Variants in ERBB4 observed in about 807,000 individuals in gnomAD.
ERBB4 encodes erb-b2 receptor tyrosine kinase 4.
In ERBB4, 42 loss-of-function variants were observed where a neutral mutation model predicts 158.0. The ratio of observed to expected loss-of-function variants is 0.27; its 90% CI spans 0.21 to 0.34. ERBB4 has a LOEUF of 0.34. Among genes scored for constraint, ERBB4 ranks in the 10% least tolerant of loss-of-function variants. The pLI is 1.00. For missense variants in ERBB4, 1,333 were observed against 1,624.1 expected (o/e 0.82, Z 3.08); for synonymous variants, 583 against 558.7 (o/e 1.04, Z -0.61).
intron 1 of ERBB4, among the ~76,000 whole-genome samples, chr2:212,382,240 C>T (rs1184707087): frequency 1.3e-5 from 2 of 149,406 alleles, no homozygotes; most frequent in Non-Finnish European, 3.0e-5. Context: ...TATATATACA[C>T]ATTATATATT....
chr2:211,718,993 T>C (rs1012178075), intron 7 of ERBB4, among the ~76,000 whole-genome samples: 3 of 152,240 alleles, frequency 2.0e-5, no homozygotes, highest in Non-Finnish European at 4.4e-5. Context: ...GGGGGCTTTC[T>C]GCTGGATGGC....
At chr2:212,482,202 C>T (rs1689738235) in intron 1 of ERBB4, among the ~76,000 whole-genome samples, 1 of 152,174 alleles carries the variant, frequency 6.6e-6, no homozygotes, top group South Asian at 2.1e-4. Flanking sequence ...GCTGGCTGAG[C>T]TAAATTTAAA....
At chr2:211,509,791 C>G (rs1248205613) in intron 20 of ERBB4, among the ~76,000 whole-genome samples, 2 of 152,038 alleles carry the variant, frequency 1.3e-5, no homozygotes, top group Non-Finnish European at 2.9e-5. Flanking sequence ...AGGACAGAAA[C>G]AGACTTTGCT....
intron 1 of ERBB4, among the ~76,000 whole-genome samples, chr2:212,191,643 T>A (rs1184419339): frequency 1.6e-5 from 2 of 126,556 alleles, no homozygotes; most frequent in Non-Finnish European, 3.5e-5. Context: ...GCATGCTATA[T>A]ATAACACATG....
intron 1 of ERBB4, among the ~76,000 whole-genome samples, chr2:212,200,593 G>T (rs1325475481): frequency 6.6e-6 from 1 of 152,110 alleles, no homozygotes; most frequent in African/African-American, 2.4e-5. Context: ...TGGCTGAAAT[G>T]TGTTTCACCA....
At chr2:211,654,133 G>A (rs901002198) in intron 16 of ERBB4, among the ~76,000 whole-genome samples, 3 of 152,142 alleles carry the variant, frequency 2.0e-5, no homozygotes, top group African/African-American at 7.2e-5. Context: ...TCTCAGAGAG[G>A]TAAGCATTTG....
intron 3 of ERBB4, among the ~76,000 whole-genome samples, chr2:211,840,317 G>C (rs1396049618): frequency 2.0e-5 from 3 of 151,818 alleles, no homozygotes; most frequent in Admixed American, 1.3e-4. Context: ...TGATTGTGAG[G>C]TCTCTCCAGC....
chr2:212,373,975 T>TATATATATATCCATATATATCC (rs2090214439), intron 1 of ERBB4, among the ~76,000 whole-genome samples: 5 of 112,066 alleles, frequency 4.5e-5, no homozygotes, highest in South Asian at 6.3e-4. Flanking sequence ...TATATATCCA[T>TATATATATATCCATATATATCC]ATATATATAT....
chr2:212,271,838 G>T (rs953149093), intron 1 of ERBB4, among the ~76,000 whole-genome samples: 2 of 151,788 alleles, frequency 1.3e-5, no homozygotes, highest in Non-Finnish European at 2.9e-5. Flanking sequence ...TTCTGCTTCA[G>T]AGGGAGCAGA....
chr2:211,810,666 T>TC, intron 3 of ERBB4, among the ~76,000 whole-genome samples: 1 of 142,030 alleles, frequency 7.0e-6, no homozygotes, highest in South Asian at 2.3e-4. Flanking sequence ...CTCTGTCTTT[T>TC]TTTTTTTTTT....
intron 3 of ERBB4, among the ~76,000 whole-genome samples, chr2:211,941,716 C>T (rs987619977): frequency 3.8e-5 from 5 of 132,952 alleles, no homozygotes; most frequent in African/African-American, 5.7e-5. Context: ...ATTTGGAACA[C>T]TTTTTTTTTT....
At chr2:212,290,663 C>T (rs538186971) in intron 1 of ERBB4, among the ~76,000 whole-genome samples, 2 of 150,422 alleles carry the variant, frequency 1.3e-5, no homozygotes, top group African/African-American at 2.4e-5. Context: ...TATTTCTTTT[C>T]GTGTGTGTGT....
chr2:212,107,607 T>C lies in ERBB4; in HGVS notation c.234+17145A>G, dbSNP rs151302844. ...GACTGTTGGGAAGGCATGATTGGTTTTGAAATGTGAGGACATGAGATTTGG... is the reference window on the plus strand; with the variant it reads ...GACTGTTGGGAAGGCATGATTGGTTCTGAAATGTGAGGACATGAGATTTGG... On this transcript the variant is annotated intron_variant, in intron 2 of 27. Transcript: ENST00000342788. 9.5e-3 allele frequency among the ~76,000 whole-genome samples: 1,452 copies of C among 152,248 alleles called. 17 individuals are homozygous for C. Among genetic ancestry groups the C allele is most frequent in the African/African-American group, 0.033 (1,379 of 41,542 alleles).
chr2:212,485,135 C>T (rs1382756742), intron 1 of ERBB4, among the ~76,000 whole-genome samples: 2 of 152,114 alleles, frequency 1.3e-5, no homozygotes, highest in African/African-American at 4.8e-5. Flanking sequence ...AAAGAAACAG[C>T]GACCATTTTA....
chr2:211,618,700 A>C (rs1266843184), intron 19 of ERBB4, among the ~76,000 whole-genome samples: 1 of 152,114 alleles, frequency 6.6e-6, no homozygotes, highest in Non-Finnish European at 1.5e-5. Context: ...GCACTTAGCA[A>C]ATACTTTGTA....
chr2:211,733,171 T>C (rs2074484882), intron 5 of ERBB4, among the ~76,000 whole-genome samples: 1 of 152,222 alleles, frequency 6.6e-6, no homozygotes, highest in South Asian at 2.1e-4. Context: ...AATGAAGTTT[T>C]ATTCAACCTA....
chr2:211,951,050 G>A (rs903770269), intron 2 of ERBB4, among the ~76,000 whole-genome samples: 8 of 152,092 alleles, frequency 5.3e-5, no homozygotes, highest in African/African-American at 1.9e-4. Flanking sequence ...TAATTATTTA[G>A]TGATTAGATC....
intron 1 of ERBB4, among the ~76,000 whole-genome samples, chr2:212,515,907 GAGTA>G (rs1231765657): frequency 6.6e-6 from 1 of 151,844 alleles, no homozygotes; most frequent in Admixed American, 6.6e-5. Context: ...AAACATAAAA[GAGTA>G]ATTAAAAATG....
intron 1 of ERBB4, among the ~76,000 whole-genome samples, chr2:212,464,298 G>A (rs1451180272): frequency 1.3e-5 from 2 of 152,026 alleles, no homozygotes; most frequent in Admixed American, 6.6e-5. Flanking sequence ...CATATATACT[G>A]TAAACAGATT....
Sources: allele counts gnomAD v4.1 joint callset (sites outside exome capture counted in the v4.1 genomes callset), GRCh38; gene constraint gnomAD v4.1.1; transcripts MANE v1.5; gene names NCBI Gene and HGNC (gene_info 2026-07-23, HGNC 2026-07-21).